Variants in COL5A2 observed in about 807,000 individuals in gnomAD.
The protein encoded by COL5A2 is collagen alpha-2(V) chain.
Under a neutral mutation model 208.2 loss-of-function variants are expected in COL5A2, and 23 were observed. That is an observed-to-expected ratio of 0.11 (90% CI 0.08 to 0.16). COL5A2 has a LOEUF of 0.16. Ranked by LOEUF, COL5A2 falls within the 10% of genes least tolerant of loss-of-function variation. COL5A2 has a pLI of 1.00. For synonymous variants in COL5A2, 625 were observed against 628.5 expected, an observed-to-expected ratio of 0.99 and a Z score of 0.08; for missense variants, 1,590 against 1,956.4, an observed-to-expected ratio of 0.81 and a Z score of 3.53.
chr2:189,041,727 T>C, intron 49 of COL5A2, 34 bp from the exon 50 acceptor site: 2 of 1,500,344 alleles, frequency 1.3e-6, no homozygotes, highest in Non-Finnish European at 1.9e-6. Flanking sequence ...TTAGATTCTA[T>C]GAAGGAAAAA....
chr2:189,305,422 A>G, the COL5A2 span, among the ~76,000 whole-genome samples: 1 of 152,228 alleles, frequency 6.6e-6, no homozygotes, highest in Non-Finnish European at 1.5e-5. Context: ...CTTATAAAAG[A>G]GACTTCACAA....
At chr2:189,154,335 T>C (rs1213710160) in intron 1 of COL5A2, among the ~76,000 whole-genome samples, 1 of 152,214 alleles carries the variant, frequency 6.6e-6, no homozygotes, top group Non-Finnish European at 1.5e-5. Flanking sequence ...TAGCTCAAAA[T>C]TTATTCACAG....
the COL5A2 span, among the ~76,000 whole-genome samples, chr2:189,386,927 G>C: frequency 6.6e-6 from 1 of 151,318 alleles, no homozygotes; most frequent in East Asian, 1.9e-4. Flanking sequence ...AGATTTCTCA[G>C]CAGAAAAACT....
upstream of COL5A2, among the ~76,000 whole-genome samples, chr2:189,226,117 T>G (rs1217890999): frequency 6.6e-6 from 1 of 152,162 alleles, no homozygotes; most frequent in Non-Finnish European, 1.5e-5. Context: ...GCAATAAAAG[T>G]GCTTAATAAA....
At chr2:189,383,141 A>C in the COL5A2 span, among the ~76,000 whole-genome samples, 1 of 152,190 alleles carries the variant, frequency 6.6e-6, no homozygotes, top group East Asian at 1.9e-4. Flanking sequence ...GTTTTTGCTT[A>C]GGCTGACATA....
chr2:189,398,731 T>A, the COL5A2 span, among the ~76,000 whole-genome samples: 1 of 152,202 alleles, frequency 6.6e-6, no homozygotes, highest in Admixed American at 6.5e-5. Context: ...ATTTAATTGG[T>A]GTCATTCATC....
At chr2:189,174,340 G>A (rs1288344284) in intron 1 of COL5A2, among the ~76,000 whole-genome samples, 1 of 152,222 alleles carries the variant, frequency 6.6e-6, no homozygotes, top group Admixed American at 6.5e-5. Flanking sequence ...CTGCATAGTA[G>A]AATGATTCGC....
chr2:189,425,664 AT>A, the COL5A2 span, among the ~76,000 whole-genome samples: 1 of 152,168 alleles, frequency 6.6e-6, no homozygotes, highest in African/African-American at 2.4e-5. Flanking sequence ...TTGAAATGTA[AT>A]CCCCAGTGCT....
At chr2:189,324,628 C>T in the COL5A2 span, among the ~76,000 whole-genome samples, 2 of 152,250 alleles carry the variant, frequency 1.3e-5, no homozygotes, top group South Asian at 4.1e-4. Context: ...TATCATCTCA[C>T]ACCAGTTAGA....
At chr2:189,320,510 G>A in the COL5A2 span, among the ~76,000 whole-genome samples, 25 of 152,268 alleles carry the variant, frequency 1.6e-4, no homozygotes, top group South Asian at 3.5e-3. Flanking sequence ...CGAGAACTAC[G>A]TGACAAATGC....
intron 49 of COL5A2, 76 bp from the exon 50 acceptor site, chr2:189,041,769 A>AT: frequency 1.1e-6 from 1 of 885,264 alleles, no homozygotes; most frequent in South Asian, 1.4e-5. Context: ...TCAAAGAACT[A>AT]TTTTACATAT....
At chr2:189,097,049 T>TTAAC (rs1439389850) in intron 6 of COL5A2, among the ~76,000 whole-genome samples, 2 of 152,226 alleles carry the variant, frequency 1.3e-5, no homozygotes, top group Admixed American at 1.3e-4. Flanking sequence ...TCATGACATG[T>TTAAC]TAACTATGCT....
At chr2:189,360,477 A>G in the COL5A2 span, among the ~76,000 whole-genome samples, 6 of 151,790 alleles carry the variant, frequency 4.0e-5, no homozygotes, top group South Asian at 1.2e-3. Context: ...TTCTTTTTTT[A>G]TTTCTTCATT....
chr2:189,383,964 G>A, the COL5A2 span, among the ~76,000 whole-genome samples: 262 of 152,004 alleles, frequency 1.7e-3, no homozygotes, highest in African/African-American at 5.9e-3. Flanking sequence ...TTATTTCCAT[G>A]AGATCATTTT....
chr2:189,174,581 T>C (rs974336112), intron 1 of COL5A2, among the ~76,000 whole-genome samples: 4 of 152,200 alleles, frequency 2.6e-5, no homozygotes, highest in Non-Finnish European at 5.9e-5. Flanking sequence ...GGTTCACCAA[T>C]GTAAATCAGA....
the COL5A2 span, among the ~76,000 whole-genome samples, chr2:189,408,888 G>A: frequency 2.6e-5 from 4 of 152,150 alleles, no homozygotes; most frequent in African/African-American, 9.7e-5. Context: ...GACTTTGGTT[G>A]CAGAAACCCA....
chr2:189,275,471 T>TA, the COL5A2 span, among the ~76,000 whole-genome samples: 1 of 151,052 alleles, frequency 6.6e-6, no homozygotes, highest in Non-Finnish European at 1.5e-5. Flanking sequence ...TTTTTTTTTT[T>TA]AAGATGGAGT....
At chr2:189,375,463 T>C in the COL5A2 span, among the ~76,000 whole-genome samples, 1 of 152,250 alleles carries the variant, frequency 6.6e-6, no homozygotes, top group Admixed American at 6.5e-5. Flanking sequence ...TGTTTTCTCA[T>C]CTTCACAATG....
chr2:189,230,407 A>G, the COL5A2 span, among the ~76,000 whole-genome samples: 1 of 151,852 alleles, frequency 6.6e-6, no homozygotes, highest in Non-Finnish European at 1.5e-5. Flanking sequence ...GGAAGACAAT[A>G]TTTGCAAATT....
Sources: gnomAD v4.1 joint callset for allele counts (sites outside exome capture counted in the v4.1 genomes callset) on GRCh38, gnomAD v4.1.1 for gene constraint, MANE v1.5 for transcripts, NCBI Gene and HGNC (gene_info 2026-07-23, HGNC 2026-07-21) for gene names.